Variants in ZSWIM5 observed in about 807,000 individuals in gnomAD.
ZSWIM5 encodes the protein zinc finger SWIM-type containing 5, also known as zinc finger SWIM domain-containing protein 5.
ZSWIM5 carries 55 observed loss-of-function variants against 119.6 expected under a neutral mutation model. That is an observed-to-expected ratio of 0.46 (90% CI 0.37 to 0.58). The LOEUF (loss-of-function observed/expected upper bound fraction) is 0.58, where lower values mean the gene tolerates loss of function less well. Ranked by LOEUF, ZSWIM5 falls within the 20% of genes least tolerant of loss-of-function variation. ZSWIM5 has a pLI of 0.00. For missense variants in ZSWIM5, 1,193 were observed against 1,512.8 expected (o/e 0.79, Z 3.51); for synonymous variants, 537 against 606.9 (o/e 0.88, Z 1.69).
intron 1 of ZSWIM5, among the ~76,000 whole-genome samples, chr1:45,190,525 A>C (rs1242255633): frequency 6.6e-6 from 1 of 152,178 alleles, no homozygotes; most frequent in Admixed American, 6.5e-5. Context: ...ACAATCCTGG[A>C]GGAGCGGTTC....
At position 45,018,853 on chromosome 1, in the gene ZSWIM5, G is replaced by C. The variant is rs1443057664; in HGVS notation, c.3159C>G (p.Gly1053=). The stretch of plus-strand genomic sequence containing the variant: ...GGATGAGAGCTGCCAGCTCATTCTT[G>C]CCCAGAGAGTGGCTGAGAGCACAAG... ...LWACALSHSL[G]KNELAALIPL... Residue 1053 remains glycine, a synonymous_variant, in exon 14 of 14, where the codon GGC becomes GGG. Transcript: ENST00000359600. The surrounding 1 kb of genome is among the most constrained non-coding windows in gnomAD (Gnocchi z 6.7). 1 of 1,614,118 alleles carries C rather than the reference G, an allele frequency of 6.2e-7. No homozygotes were observed. Among genetic ancestry groups the C allele is most frequent in the Non-Finnish European group, 8.5e-7 (1 of 1,180,060 alleles).
At chr1:45,199,268 G>T (rs1646144679) in intron 1 of ZSWIM5, among the ~76,000 whole-genome samples, 1 of 151,606 alleles carries the variant, frequency 6.6e-6, no homozygotes, top group African/African-American at 2.4e-5. Flanking sequence ...TAGGCAGAAG[G>T]GTACTTCAGC....
chr1:45,136,905 C>A (rs557570478), intron 1 of ZSWIM5, among the ~76,000 whole-genome samples: 1 of 152,060 alleles, frequency 6.6e-6, no homozygotes, highest in Non-Finnish European at 1.5e-5. Flanking sequence ...CCCTTCTAGC[C>A]CCATAAGACT....
At chr1:45,030,990 G>A (rs1644949374) in intron 11 of ZSWIM5, among the ~76,000 whole-genome samples, 1 of 150,954 alleles carries the variant, frequency 6.6e-6, no homozygotes, top group Admixed American at 6.6e-5. Flanking sequence ...GTAGAGACAG[G>A]GTTGCGCCAT....
intron 1 of ZSWIM5, among the ~76,000 whole-genome samples, chr1:45,194,721 C>CA (rs1229731825): frequency 6.6e-6 from 1 of 151,820 alleles, no homozygotes; most frequent in Non-Finnish European, 1.5e-5. Context: ...ACTAAAAATA[C>CA]AAAAAATCAG....
At chr1:45,054,920 G>C (rs1645112166) in intron 4 of ZSWIM5, among the ~76,000 whole-genome samples, 1 of 152,114 alleles carries the variant, frequency 6.6e-6, no homozygotes, top group Non-Finnish European at 1.5e-5. Context: ...CTGCCTCCCA[G>C]GTTCAAGCGA....
chr1:45,150,171 T>TAAAAAAA (rs59869691), intron 1 of ZSWIM5, among the ~76,000 whole-genome samples: 2 of 93,342 alleles, frequency 2.1e-5, no homozygotes, highest in Non-Finnish European at 2.2e-5. Context: ...CTCTATCTCT[T>TAAAAAAA]AAAAAAAAAA....
intron 1 of ZSWIM5, among the ~76,000 whole-genome samples, chr1:45,166,374 T>C (rs1226914): frequency 0.33 from 50,158 of 151,728 alleles, 9,615 homozygotes; most frequent in African/African-American, 0.53. Context: ...ACTGAATGGG[T>C]AAAAACTGGA....
chr1:45,143,635 C>G (rs1645743549), intron 1 of ZSWIM5, among the ~76,000 whole-genome samples: 1 of 152,082 alleles, frequency 6.6e-6, no homozygotes, highest in Admixed American at 6.6e-5. Context: ...CTCCCCATTC[C>G]TATTGAACAC....
chr1:45,184,417 G>A (rs1646043521), intron 1 of ZSWIM5, among the ~76,000 whole-genome samples: 1 of 152,146 alleles, frequency 6.6e-6, no homozygotes. Flanking sequence ...GGCAGGAGAA[G>A]GAAATAAAGG....
chr1:45,096,578 C>A (rs1423291582), intron 1 of ZSWIM5, among the ~76,000 whole-genome samples: 2 of 148,994 alleles, frequency 1.3e-5, no homozygotes, highest in Admixed American at 6.6e-5. Flanking sequence ...ACACACACAG[C>A]CCTCAAGTGC....
intron 1 of ZSWIM5, among the ~76,000 whole-genome samples, chr1:45,149,570 T>C (rs1273099293): frequency 1.3e-5 from 2 of 152,120 alleles, no homozygotes; most frequent in East Asian, 1.9e-4. Context: ...CCTAACAAAA[T>C]ACATTAAGGT....
intron 1 of ZSWIM5, among the ~76,000 whole-genome samples, chr1:45,104,374 G>C (rs1007202640): frequency 6.6e-6 from 1 of 152,204 alleles, no homozygotes; most frequent in African/African-American, 2.4e-5. Flanking sequence ...CAGAATGCTT[G>C]AGTTGTAATT....
intron 1 of ZSWIM5, among the ~76,000 whole-genome samples, chr1:45,138,398 C>T (rs1286884626): frequency 6.7e-5 from 10 of 149,254 alleles, no homozygotes; most frequent in South Asian, 2.1e-4. Context: ...CCAGCTACTC[C>T]GGAGGCTGAG....
intron 1 of ZSWIM5, among the ~76,000 whole-genome samples, chr1:45,115,404 G>C (rs1403881666): frequency 1.3e-5 from 2 of 149,150 alleles, no homozygotes; most frequent in Non-Finnish European, 3.0e-5. Flanking sequence ...GGGCGGAGGG[G>C]CTCCTCACTT....
chr1:45,056,567 C>A (rs144248771), intron 4 of ZSWIM5, among the ~76,000 whole-genome samples: 1,651 of 150,326 alleles, frequency 0.011, 23 homozygotes, highest in Middle Eastern at 0.017. Context: ...GCCAAGACTG[C>A]GCCACTGCAC....
chr1:45,056,099 C>T (rs1201946654), intron 4 of ZSWIM5, among the ~76,000 whole-genome samples: 1 of 152,184 alleles, frequency 6.6e-6, no homozygotes, highest in African/African-American at 2.4e-5. Flanking sequence ...ACAACAGCTA[C>T]TTCAGGAGAC....
chr1:45,053,762 C>CAG (rs1645104083), intron 4 of ZSWIM5, among the ~76,000 whole-genome samples: 1 of 92,068 alleles, frequency 1.1e-5, no homozygotes, highest in Non-Finnish European at 2.0e-5. Context: ...GACTCTGTTT[C>CAG]AAAAAAAAAA....
intron 4 of ZSWIM5, among the ~76,000 whole-genome samples, chr1:45,052,927 G>C (rs1645098158): frequency 6.6e-6 from 1 of 151,850 alleles, no homozygotes; most frequent in African/African-American, 2.4e-5. Flanking sequence ...TTCAAGACCA[G>C]CCTGACTGCC....
Sources: gnomAD v4.1 joint callset for allele counts (sites outside exome capture counted in the v4.1 genomes callset) on GRCh38, gnomAD v4.1.1 for gene constraint, Gnocchi (gnomAD v3.1) non-coding constraint, MANE v1.5 for transcripts, NCBI Gene and HGNC (gene_info 2026-07-23, HGNC 2026-07-21) for gene names.